Variants in MRPS12 observed in about 807,000 individuals in gnomAD.
MRPS12 encodes the protein small ribosomal subunit protein uS12m.
Under a neutral mutation model 8.4 loss-of-function variants are expected in MRPS12, and 7 were observed. The ratio of observed to expected loss-of-function variants is 0.83; its 90% CI spans 0.47 to 1.56. MRPS12 has a LOEUF of 1.56. Among genes scored for constraint, MRPS12 ranks in the 40% most tolerant of loss-of-function variants. MRPS12 has a pLI of 0.01. For missense variants in MRPS12, 200 were observed against 194.1 expected (o/e 1.03, Z -0.18); for synonymous variants, 84 against 84.1 (o/e 1.00, Z 0.01).
intron 2 of MRPS12, chr19:38,931,890 C>T (rs1273613963): frequency 2.5e-5 from 4 of 159,144 alleles, no homozygotes; most frequent in East Asian, 1.8e-4. Flanking sequence ...TGGTGGCTCA[C>T]GCCTGTAATC....
chr19:38,931,092 G>A (rs527313094), intron 1 of MRPS12, 94 bp downstream of exon 1: 6 of 634,674 alleles, frequency 9.5e-6, no homozygotes, highest in Middle Eastern at 6.6e-4. Flanking sequence ...TGGGCCCTCG[G>A]GAACCCACTC....
chr19:38,931,398 T>G, intron 2 of MRPS12, 55 bp downstream of exon 2: 1 of 1,477,578 alleles, frequency 6.8e-7, no homozygotes, highest in Non-Finnish European at 9.1e-7. Context: ...GGTTATTCGC[T>G]CTTGGACTTG....
chr19:38,932,267 A>G (rs1974767281), intron 2 of MRPS12, 66 bp from the exon 3 acceptor site: 5 of 1,480,866 alleles, frequency 3.4e-6, no homozygotes, highest in Non-Finnish European at 4.5e-6. Flanking sequence ...CTAAAACACC[A>G]AAATTGAGTT....
In MRPS12 at chr19:38,932,999, AC is replaced by A. The variant is rs1974791642; in HGVS notation, c.*302del. 3.0e-6 allele frequency: 1 copy of A among 336,384 alleles called. No individual in the cohort carries two copies. 20.8% of individuals were successfully genotyped at this position (336,384 alleles called of 1,614,324 possible). ...GCTGGGAAGGGGTTTTAATAAACAG[AC>A]CCTGGCGCTTGTGATGTAAATCCCC... On this transcript the variant is annotated 3_prime_UTR_variant, in exon 3 of 3. Transcript: ENST00000308018.
chr19:38,932,277 T>C, intron 2 of MRPS12, 56 bp from the exon 3 acceptor site: 12 of 1,485,802 alleles, frequency 8.1e-6, no homozygotes, highest in Non-Finnish European at 9.8e-6. Context: ...AAAATTGAGT[T>C]GCTACTACTC....
rs1974769655 is a variant in MRPS12, at chr19:38,932,345, T to C, written c.62T>C (p.Val21Ala). ...CGGCCCTCTCCAGGCCCAGCTCTGG[T>C]TCCCCGGCTCTGGGCTACCTGCTCC... is the stretch of plus-strand genomic sequence containing the variant. ...NTSLTCGPALVPRLWATCSMA... is the reference protein window; with the variant it reads ...NTSLTCGPALAPRLWATCSMA... Residue 21 changes from valine to alanine, a missense_variant, in exon 3 of 3, where the codon GTT (valine) becomes GCT (alanine). Coordinates refer to ENST00000308018, the MANE Select transcript of MRPS12 (RefSeq NM_033362.4). 1 of 1,535,554 alleles carries C rather than the reference T, an allele frequency of 6.5e-7. No homozygotes were observed. The highest frequency in any genetic ancestry group is 8.8e-7 in the Non-Finnish European group (1 of 1,139,524).
chr19:38,930,976 A>C lies in MRPS12; in HGVS notation c.-42A>C. 1.6e-6 allele frequency: 1 copy of C among 609,424 alleles called. No individual in the cohort carries two copies. The highest frequency in any genetic ancestry group is 2.9e-6 in the Non-Finnish European group (1 of 344,766). The allele number at this position is 609,424 out of a possible 1,614,324, so 37.8% of individuals were successfully genotyped here. A position where few individuals can be genotyped will look rare whatever the true frequency, so the allele number is the denominator to read the frequency against. On this transcript the variant is annotated 5_prime_UTR_variant, in exon 1 of 3. Transcript: ENST00000308018. ...AGAAGCTGGATTCAGCGTGTCCGCGACCTCACCTTTAGGTCCTGTGAGGTC... is the reference window on the plus strand; with the variant it reads ...AGAAGCTGGATTCAGCGTGTCCGCGCCCTCACCTTTAGGTCCTGTGAGGTC...
chr19:38,931,002 G>C lies in MRPS12; in HGVS notation c.-20+4G>C, dbSNP rs907057358. On this transcript the variant is annotated splice_donor_region_variant and intron_variant, in intron 1 of 2. Transcript: ENST00000308018. The stretch of plus-strand genomic sequence containing the variant: ...CCTCACCTTTAGGTCCTGTGAGGTC[G>C]GTGGAATCCTGGGGTCCTCCAAATC... The C allele has an allele frequency of 5.0e-6, 3 of 596,294 alleles. No individual in the cohort carries two copies. The highest frequency in any genetic ancestry group is 8.9e-6 in the Non-Finnish European group (3 of 335,440). The allele number at this position is 596,294 out of a possible 1,614,324, so 36.9% of individuals were successfully genotyped here. A position where few individuals can be genotyped will look rare whatever the true frequency, so the allele number is the denominator to read the frequency against.
In MRPS12 at chr19:38,932,436, CACGGAAG is replaced by C; in HGVS notation, c.154_160del (p.Thr52AlafsTer5). 1 of 1,611,928 alleles carries C rather than the reference CACGGAAG, an allele frequency of 6.2e-7. No individual in the cohort carries two copies. The highest frequency in any genetic ancestry group is 8.5e-7 in the Non-Finnish European group (1 of 1,178,736). ...AGCGGCCGCCTCGGAAGCTGGGCCC[CACGGAAG>C]GCCGGCCGCAGCTGAAGGGTGTGGT... On this transcript the variant is annotated frameshift_variant, in exon 3 of 3. Transcript: ENST00000308018. LOFTEE classifies it high-confidence loss of function.
rs553975668 is a variant in MRPS12, at chr19:38,932,204, A to G, written c.50-129A>G. 2.0e-5 allele frequency: 17 copies of G among 842,828 alleles called. No individual in the cohort carries two copies. In the African/African-American group the frequency reaches 2.8e-4, roughly 14 times the overall value. 52.2% of individuals were successfully genotyped at this position (842,828 alleles called of 1,614,324 possible). On this transcript the variant is annotated intron_variant, in intron 2 of 2. Coordinates refer to ENST00000308018, the MANE Select transcript of MRPS12 (RefSeq NM_033362.4). ...AGAATAAAGAGTTACTTTTGTCTGT[A>G]GATAACATTAGATGTGAACAAATGC... is the stretch of plus-strand genomic sequence containing the variant.
chr19:38,933,009 T>C lies in MRPS12; in HGVS notation c.*309T>C, dbSNP rs1343015932. 6.3e-6 allele frequency: 2 copies of C among 319,224 alleles called. No homozygotes were observed. Among genetic ancestry groups the C allele is most frequent in the Non-Finnish European group, 1.2e-5 (2 of 171,166 alleles). 19.8% of individuals were successfully genotyped at this position (319,224 alleles called of 1,614,324 possible). A position where few individuals can be genotyped will look rare whatever the true frequency, so the allele number is the denominator to read the frequency against. On this transcript the variant is annotated 3_prime_UTR_variant, in exon 3 of 3. Transcript: ENST00000308018. ...GGTTTTAATAAACAGACCCTGGCGC[T>C]TGTGATGTAAATCCCCTTGTGGAGT...
chr19:38,931,476 G>A (rs559996601), intron 2 of MRPS12, 133 bp downstream of exon 2: 21 of 820,182 alleles, frequency 2.6e-5, no homozygotes, highest in East Asian at 5.9e-5. Context: ...GCAGAGCTAG[G>A]GCTGCTAGAG....
chr19:38,932,462 G>A lies in MRPS12; in HGVS notation c.179G>A (p.Gly60Asp), dbSNP rs1356921384. The change falls in exon 3 of 3, where the codon GGT becomes GAT. Residue 60 changes from glycine (G) to aspartate (D), a missense_variant. Gly to Asp is a moderately conservative substitution (Grantham distance 94). Transcript: ENST00000308018. ...GPTEGRPQLK[G>D]VVLCTFTRKP... Reference sequence around the variant, plus strand: ...ACGGAAGGCCGGCCGCAGCTGAAGGGTGTGGTCCTGTGCACGTTTACCCGC... The same window carrying A: ...ACGGAAGGCCGGCCGCAGCTGAAGGATGTGGTCCTGTGCACGTTTACCCGC... 6.2e-7 allele frequency: 1 copy of A among 1,613,398 alleles called. No individual in the cohort carries two copies. Among genetic ancestry groups the A allele is most frequent in the South Asian group, 1.1e-5 (1 of 91,058 alleles).
rs770236207 is a variant in MRPS12, at chr19:38,932,586, C to T, written c.303C>T (p.Thr101=). 3 of 1,613,706 alleles carry T rather than the reference C, an allele frequency of 1.9e-6. No individual in the cohort carries two copies. The stretch of plus-strand genomic sequence containing the variant: ...GCTTCATCCCTGGGGAGGGCCACAC[C>T]CTGCAGGAGCACCAGATTGTCCTTG... The part of the protein sequence containing the change: ...AVCFIPGEGH[T]LQEHQIVLVE... Residue 101 remains threonine, a synonymous_variant, in exon 3 of 3, where the codon ACC becomes ACT. Coordinates refer to ENST00000308018, the MANE Select transcript of MRPS12 (RefSeq NM_033362.4).
chr19:38,932,995 A>C lies in MRPS12; in HGVS notation c.*295A>C. 1 of 346,234 alleles carries C rather than the reference A, an allele frequency of 2.9e-6. No homozygotes were observed. 21.4% of individuals were successfully genotyped at this position (346,234 alleles called of 1,614,324 possible). On this transcript the variant is annotated 3_prime_UTR_variant, in exon 3 of 3. Transcript: ENST00000308018. ...CTCTGCTGGGAAGGGGTTTTAATAA[A>C]CAGACCCTGGCGCTTGTGATGTAAA...
chr19:38,932,028 C>T (rs1215779531), intron 2 of MRPS12, among the ~76,000 whole-genome samples: 1 of 150,604 alleles, frequency 6.6e-6, no homozygotes, highest in Non-Finnish European at 1.5e-5. Context: ...CCCAGCTGCT[C>T]AGGAGGCTGA....
chr19:38,931,354 G>T lies in MRPS12; in HGVS notation c.49+11G>T. On this transcript the variant is annotated intron_variant, in intron 2 of 2. Transcript: ENST00000308018. ...CGTCCCTAACTTGTGGTAAGTGGGG[G>T]ACTTGGGCTTCAGGGACGAGGCTAG... 1 of 1,585,132 alleles carries T rather than the reference G, an allele frequency of 6.3e-7. No individual in the cohort carries two copies. The highest frequency in any genetic ancestry group is 1.1e-5 in the South Asian group (1 of 88,044).
Position 38,932,980 on chromosome 19 carries a change from A to G in MRPS12, c.*280A>G, listed in dbSNP as rs891447962. ...AGACACTGTACTGCCCTCTGCTGGGAAGGGGTTTTAATAAACAGACCCTGG... is the reference window on the plus strand; with the variant it reads ...AGACACTGTACTGCCCTCTGCTGGGGAGGGGTTTTAATAAACAGACCCTGG... On this transcript the variant is annotated 3_prime_UTR_variant, in exon 3 of 3. Coordinates refer to ENST00000308018, the MANE Select transcript of MRPS12 (RefSeq NM_033362.4). 10 of 404,914 alleles carry G rather than the reference A, an allele frequency of 2.5e-5. No homozygotes were observed. The highest frequency in any genetic ancestry group is 4.4e-5 in the Non-Finnish European group (10 of 224,880). The allele number at this position is 404,914 out of a possible 1,614,324, so 25.1% of individuals were successfully genotyped here.
intron 1 of MRPS12, 42 bp downstream of exon 1, chr19:38,931,040 T>C (rs1974737566): frequency 8.4e-6 from 5 of 594,708 alleles, no homozygotes; most frequent in Non-Finnish European, 1.5e-5. Flanking sequence ...CCAGGCCATC[T>C]CCCCAGTTTC....
Sources: gnomAD v4.1 joint callset for allele counts (sites outside exome capture counted in the v4.1 genomes callset) on GRCh38, gnomAD v4.1.1 for gene constraint, MANE v1.5 for transcripts, NCBI Gene and HGNC (gene_info 2026-07-23, HGNC 2026-07-21) for gene names.